Variants in PHLPP1 observed in about 807,000 individuals in gnomAD.
PHLPP1 encodes the protein PH domain and leucine rich repeat protein phosphatase 1.
A neutral mutation model predicts 117.2 loss-of-function variants in PHLPP1; 42 were observed. The observed-to-expected ratio is 0.36, with a 90% CI of 0.28 to 0.46. The LOEUF (loss-of-function observed/expected upper bound fraction) is 0.46. PHLPP1 is among the 20% of genes least tolerant of loss of function. PHLPP1 has a pLI of 1.00. For synonymous variants in PHLPP1, 1,042 were observed against 970.7 expected, an observed-to-expected ratio of 1.07 and a Z score of -1.37; for missense variants, 2,084 against 2,241.9, an observed-to-expected ratio of 0.93 and a Z score of 1.42.
Position 62,840,108 on chromosome 18 carries a change from G to A in PHLPP1, c.1899+1199G>A, listed in dbSNP as rs76894590. 4.4e-3 allele frequency among the ~76,000 whole-genome samples: 666 copies of A among 152,244 alleles called. 11 individuals carry two copies. Among genetic ancestry groups the A allele is most frequent in the African/African-American group, 0.015 (636 of 41,550 alleles). ...TGTGTGATGTAATTATTTGTCAAGT[G>A]AATGAGTAAGGGAATAACTTTGGAA... On this transcript the variant is annotated intron_variant, in intron 3 of 16. Coordinates refer to ENST00000262719, the MANE Select transcript of PHLPP1 (RefSeq NM_194449.4).
intron 10 of PHLPP1, among the ~76,000 whole-genome samples, chr18:62,938,121 A>T (rs926226392): frequency 1.3e-5 from 2 of 152,192 alleles, no homozygotes; most frequent in Non-Finnish European, 2.9e-5. Context: ...CTCTAATTAG[A>T]AGAGGATTGC....
intron 4 of PHLPP1, among the ~76,000 whole-genome samples, chr18:62,882,261 C>T (rs1916189256): frequency 6.6e-6 from 1 of 151,540 alleles, no homozygotes; most frequent in Admixed American, 6.6e-5. Context: ...CTCATTCATT[C>T]ACTTAACTAT....
intron 1 of PHLPP1, among the ~76,000 whole-genome samples, chr18:62,808,380 A>G (rs559103798): frequency 1.3e-5 from 2 of 150,710 alleles, no homozygotes; most frequent in African/African-American, 5.0e-5. Flanking sequence ...GGCTGGAGAT[A>G]GAAATTGGGA....
chr18:62,828,847 C>G (rs556397766), intron 1 of PHLPP1, among the ~76,000 whole-genome samples: 1 of 152,258 alleles, frequency 6.6e-6, no homozygotes, highest in African/African-American at 2.4e-5. Context: ...GACTGGGGTC[C>G]TACTATAGTA....
At position 62,903,106 on chromosome 18, in the gene PHLPP1, C is replaced by A. The variant is rs779253591; in HGVS notation, c.2587C>A (p.Gln863Lys). The change falls in exon 7 of 17, where the codon CAA becomes AAA. Residue 863 changes from glutamine to lysine, a missense_variant. This residue lies in a region of PHLPP1 where 1,365 missense variants were observed against 1,605.9 expected (regional missense o/e 0.85). Transcript: ENST00000262719. ...TGAAGTTTTACACTGTGAAAGGAAT[C>A]AACTGGTCACATTAGACATCTGTGG... ...NIEVLHCERN[Q>K]LVTLDICGYF... 6.2e-7 allele frequency: 1 copy of A among 1,613,666 alleles called. No homozygotes were observed. The highest frequency in any genetic ancestry group is 1.7e-5 in the Admixed American group (1 of 60,034).
chr18:62,850,817 A>C (rs548315939), intron 3 of PHLPP1, among the ~76,000 whole-genome samples: 1 of 152,320 alleles, frequency 6.6e-6, no homozygotes, highest in South Asian at 2.1e-4. Context: ...TAAAGAGTCC[A>C]CATTTTCACT....
chr18:62,904,809 A>G (rs1916805473), intron 7 of PHLPP1, among the ~76,000 whole-genome samples: 2 of 152,252 alleles, frequency 1.3e-5, no homozygotes, highest in African/African-American at 4.8e-5. Context: ...AGATTTAAGT[A>G]AAATAAGTCA....
intron 1 of PHLPP1, among the ~76,000 whole-genome samples, chr18:62,792,406 T>C (rs1486960835): frequency 3.3e-5 from 5 of 152,222 alleles, no homozygotes; most frequent in Non-Finnish European, 7.3e-5. Context: ...TTATAATTTT[T>C]TTGATGGCTT....
At position 62,979,882 on chromosome 18, in the gene PHLPP1, G is replaced by T. The variant is rs1276298682; in HGVS notation, c.*451G>T. 1 of 152,316 alleles carries T rather than the reference G, an allele frequency of 6.6e-6. No homozygotes were observed. Among genetic ancestry groups the T allele is most frequent in the African/African-American group, 2.8e-5 (1 of 36,288 alleles). 9.4% of individuals were successfully genotyped at this position (152,316 alleles called of 1,614,324 possible). On this transcript the variant is annotated 3_prime_UTR_variant, in exon 17 of 17. Coordinates refer to ENST00000262719, the MANE Select transcript of PHLPP1 (RefSeq NM_194449.4). ...TTTTGTTTTGTTTTGTTTTGTTTTT[G>T]TCTTGAAAATAATAGACATTTGTAG...
chr18:62,717,344 A>C, intron 1 of PHLPP1, 85 bp downstream of exon 1: 1 of 1,499,414 alleles, frequency 6.7e-7, no homozygotes. Flanking sequence ...AGTTTGCCCA[A>C]CCCAAGAGTA....
At position 62,715,876 on chromosome 18, in the gene PHLPP1, G is replaced by C. The variant is rs1285587967; in HGVS notation, c.193G>C (p.Gly65Arg). The C allele has an allele frequency of 1.2e-6, 1 of 834,142 alleles. No individual in the cohort carries two copies. Among genetic ancestry groups the C allele is most frequent in the Non-Finnish European group, 1.4e-6 (1 of 692,040 alleles). 51.7% of individuals were successfully genotyped at this position (834,142 alleles called of 1,614,324 possible). The stretch of plus-strand genomic sequence containing the variant: ...CCCGGCGGCCCCGAGCGGCGGGAAC[G>C]GCAGCGGCAGCGGGGCGCGGGAAGA... ...LTPAAPSGGN[G>R]SGSGAREEAP... The change falls in exon 1 of 17, where the codon GGC becomes CGC. Residue 65 changes from glycine to arginine, a missense_variant. By Grantham distance (125) the Gly-to-Arg change is moderately radical. Around this residue, in one of 2 missense-constraint regions of PHLPP1, gnomAD observed 719 missense variants for 636.0 expected, o/e 1.13. Transcript: ENST00000262719.
chr18:62,867,131 A>G (rs1403723370), intron 4 of PHLPP1, among the ~76,000 whole-genome samples: 1 of 152,248 alleles, frequency 6.6e-6, no homozygotes, highest in African/African-American at 2.4e-5. Flanking sequence ...GTTTACAATA[A>G]GAAGTAGGTG....
chr18:62,878,714 C>A (rs1916104519), intron 4 of PHLPP1, among the ~76,000 whole-genome samples: 1 of 152,058 alleles, frequency 6.6e-6, no homozygotes, highest in Non-Finnish European at 1.5e-5. Context: ...GGCTGACTTT[C>A]TAAATAGCTG....
chr18:62,740,371 A>T (rs1911488547), intron 1 of PHLPP1, among the ~76,000 whole-genome samples: 2 of 152,192 alleles, frequency 1.3e-5, no homozygotes. Flanking sequence ...GTAAGAGCTG[A>T]TTCTGAAGAA....
At chr18:62,973,458 G>A (rs34069761) in intron 15 of PHLPP1, among the ~76,000 whole-genome samples, 8,771 of 152,302 alleles carry the variant, frequency 0.058, 379 homozygotes, top group Non-Finnish European at 0.087. Flanking sequence ...GTGGGACCCA[G>A]GAGTGATGAA....
chr18:62,958,966 A>G (rs1383947904), intron 13 of PHLPP1, among the ~76,000 whole-genome samples: 4 of 152,276 alleles, frequency 2.6e-5, no homozygotes, highest in African/African-American at 9.6e-5. Flanking sequence ...TGGTTGTGAC[A>G]GTTAATGCAA....
At chr18:62,773,024 G>A (rs74639039) in intron 1 of PHLPP1, among the ~76,000 whole-genome samples, 10,196 of 151,916 alleles carry the variant, frequency 0.067, 392 homozygotes, top group Middle Eastern at 0.088. Flanking sequence ...CCCAGTCAAG[G>A]TTGTAAGCAG....
At chr18:62,858,261 C>G (rs1055720823) in intron 3 of PHLPP1, among the ~76,000 whole-genome samples, 4 of 139,428 alleles carry the variant, frequency 2.9e-5, no homozygotes, top group East Asian at 4.1e-4. Context: ...ATCAGCAGAA[C>G]CTTTTTTTTT....
chr18:62,894,580 T>C (rs1459647874), intron 4 of PHLPP1, among the ~76,000 whole-genome samples: 1 of 152,188 alleles, frequency 6.6e-6, no homozygotes, highest in African/African-American at 2.4e-5. Flanking sequence ...ATTATTTCAG[T>C]TTTGGGTTTG....
Sources: allele counts gnomAD v4.1 joint callset (sites outside exome capture counted in the v4.1 genomes callset), GRCh38; gene constraint gnomAD v4.1.1; regional missense constraint gnomAD v4.1.1; transcripts MANE v1.5; gene names NCBI Gene and HGNC (gene_info 2026-07-23, HGNC 2026-07-21).